Variants in IFNGR2 observed in about 807,000 individuals in gnomAD.
IFNGR2 encodes the protein IFN-gamma receptor 2.
A neutral mutation model predicts 41.1 loss-of-function variants in IFNGR2; 15 were observed. That is an observed-to-expected ratio of 0.37 (90% CI 0.24 to 0.56). The LOEUF is 0.56. IFNGR2 is among the 20% of genes least tolerant of loss of function. IFNGR2 has a pLI of 0.81. For synonymous variants in IFNGR2, 161 were observed against 171.6 expected (o/e 0.94, Z 0.48); for missense variants, 362 against 415.7 (o/e 0.87, Z 1.12).
At chr21:33,411,169 T>C (rs1298526245) in intron 1 of IFNGR2, among the ~76,000 whole-genome samples, 5 of 152,240 alleles carry the variant, frequency 3.3e-5, no homozygotes, top group Admixed American at 3.3e-4. Context: ...AACCCGGATA[T>C]AAGGCAGAAC....
chr21:33,433,665 A>G (rs995721750), intron 6 of IFNGR2, among the ~76,000 whole-genome samples: 4 of 152,220 alleles, frequency 2.6e-5, no homozygotes, highest in African/African-American at 9.6e-5. Context: ...GGGGCTGTAC[A>G]GAGTTCTGGA....
chr21:33,428,011 A>C (rs2083854694), intron 4 of IFNGR2, among the ~76,000 whole-genome samples: 1 of 151,822 alleles, frequency 6.6e-6, no homozygotes, highest in African/African-American at 2.4e-5. Flanking sequence ...GATTACAGGC[A>C]TGAGCCACCG....
At chr21:33,404,098 A>G (rs925610476) in intron 1 of IFNGR2, among the ~76,000 whole-genome samples, 3 of 152,340 alleles carry the variant, frequency 2.0e-5, no homozygotes, top group South Asian at 2.1e-4. Context: ...AGCAAATTGA[A>G]TCCAGGGCTC....
intron 3 of IFNGR2, among the ~76,000 whole-genome samples, chr21:33,422,307 C>T (rs759042672): frequency 1.3e-5 from 2 of 152,212 alleles, no homozygotes; most frequent in Non-Finnish European, 2.9e-5. Flanking sequence ...TCATTTGTCA[C>T]GTAGTCAGCC....
chr21:33,405,227 C>T (rs774854245), intron 1 of IFNGR2, among the ~76,000 whole-genome samples: 1 of 152,072 alleles, frequency 6.6e-6, no homozygotes, highest in Non-Finnish European at 1.5e-5. Flanking sequence ...AGAGTGATAT[C>T]ATAGGAGTCT....
chr21:33,424,173 C>T (rs1389659878), intron 3 of IFNGR2, among the ~76,000 whole-genome samples: 1 of 152,002 alleles, frequency 6.6e-6, no homozygotes, highest in African/African-American at 2.4e-5. Flanking sequence ...TGATGGCACA[C>T]GACTGTAATC....
At chr21:33,404,210 T>TAC (rs1261421662) in intron 1 of IFNGR2, among the ~76,000 whole-genome samples, 1 of 152,220 alleles carries the variant, frequency 6.6e-6, no homozygotes, top group East Asian at 1.9e-4. Flanking sequence ...GAAGCTAGAC[T>TAC]CAGTCCCTTT....
intron 2 of IFNGR2, among the ~76,000 whole-genome samples, chr21:33,417,376 C>T (rs1454230945): frequency 6.6e-6 from 1 of 152,158 alleles, no homozygotes; most frequent in Non-Finnish European, 1.5e-5. Flanking sequence ...AGACATGAGC[C>T]ATCACACTGG....
chr21:33,432,716 T>A lies in IFNGR2; in HGVS notation c.724T>A (p.Ser242Thr), dbSNP rs145216430. Reference sequence around the variant, plus strand: ...TCACTTTCGTGTCCTCTTTTTAGCCTCCACTGAGCTTCAGCAAGTCATCCT... The same window carrying A: ...TCACTTTCGTGTCCTCTTTTTAGCCACCACTGAGCTTCAGCAAGTCATCCT... ...ISCYETMADASTELQQVILIS... is the reference protein window; with the variant it reads ...ISCYETMADATTELQQVILIS... The change falls in exon 6 of 7, where the codon TCC becomes ACC. Residue 242 changes from serine (S) to threonine (T), a missense_variant and splice_region_variant. Coordinates refer to ENST00000290219, the MANE Select transcript of IFNGR2 (RefSeq NM_005534.4). 2.0e-5 allele frequency: 33 copies of A among 1,613,968 alleles called. No homozygotes were observed. The highest frequency in any genetic ancestry group is 2.6e-5 in the Non-Finnish European group (31 of 1,179,992).
chr21:33,419,798 G>A (rs2083779178), intron 2 of IFNGR2, among the ~76,000 whole-genome samples: 1 of 152,306 alleles, frequency 6.6e-6, no homozygotes, highest in South Asian at 2.1e-4. Flanking sequence ...CCTCACAAAG[G>A]CTGGACATAG....
intron 1 of IFNGR2, chr21:33,410,944 C>G (rs977334384): frequency 5.1e-6 from 6 of 1,181,404 alleles, no homozygotes; most frequent in African/African-American, 3.0e-5. Flanking sequence ...ATCTCACAAC[C>G]ACTGCTCCTT....
At chr21:33,407,847 C>T (rs1188597682) in intron 1 of IFNGR2, among the ~76,000 whole-genome samples, 4 of 48,692 alleles carry the variant, frequency 8.2e-5, no homozygotes, top group Non-Finnish European at 4.1e-5. Context: ...CCCCACCGCA[C>T]CCCCCCCCGC....
intron 2 of IFNGR2, among the ~76,000 whole-genome samples, chr21:33,421,030 C>G (rs1009375552): frequency 1.3e-4 from 20 of 151,232 alleles, no homozygotes; most frequent in African/African-American, 4.9e-4. Flanking sequence ...AACCCCGTTT[C>G]TACTAAAAAT....
chr21:33,432,379 A>C (rs1263749188), intron 5 of IFNGR2, 43 bp downstream of exon 5: 8 of 1,562,050 alleles, frequency 5.1e-6, no homozygotes, highest in South Asian at 2.2e-5. Context: ...TGGGAAAAGA[A>C]TACTCCTCCA....
chr21:33,427,938 T>C (rs897297504), intron 4 of IFNGR2, among the ~76,000 whole-genome samples: 11 of 149,040 alleles, frequency 7.4e-5, no homozygotes, highest in Non-Finnish European at 1.6e-4. Flanking sequence ...ACCACGTTGG[T>C]CAGGCTGGTC....
intron 2 of IFNGR2, 110 bp downstream of exon 2, chr21:33,415,130 G>A (rs943849142): frequency 1.2e-5 from 15 of 1,297,748 alleles, no homozygotes; most frequent in Middle Eastern, 5.1e-4. Context: ...TATCAAACCC[G>A]TGGGAAACAC....
chr21:33,422,545 G>A (rs533263942), intron 3 of IFNGR2, among the ~76,000 whole-genome samples: 6 of 152,218 alleles, frequency 3.9e-5, no homozygotes, highest in Non-Finnish European at 8.8e-5. Context: ...TAAAGTTTAT[G>A]TTATGTGTAT....
chr21:33,414,477 C>G (rs1004629287), intron 1 of IFNGR2, among the ~76,000 whole-genome samples: 1 of 152,186 alleles, frequency 6.6e-6, no homozygotes, highest in African/African-American at 2.4e-5. Flanking sequence ...TCGCCACAGC[C>G]CTGTGGGTGT....
At chr21:33,423,351 ACTTT>A (rs986637101) in intron 3 of IFNGR2, among the ~76,000 whole-genome samples, 2 of 147,962 alleles carry the variant, frequency 1.4e-5, no homozygotes, top group Non-Finnish European at 1.5e-5. Flanking sequence ...TCTTCTCTCT[ACTTT>A]CTATGTGTTT....
Sources: gnomAD v4.1 joint callset for allele counts (sites outside exome capture counted in the v4.1 genomes callset) on GRCh38, gnomAD v4.1.1 for gene constraint, MANE v1.5 for transcripts, NCBI Gene and HGNC (gene_info 2026-07-23, HGNC 2026-07-21) for gene names.